SPMIP7: variants seen among roughly 807,000 people sequenced by gnomAD.
SPMIP7 encodes protein SPMIP7.
At chr7:50,113,083 A>C in the SPMIP7 span, among the ~76,000 whole-genome samples, 1 of 152,126 alleles carries the variant, frequency 6.6e-6, no homozygotes, top group Non-Finnish European at 1.5e-5. Context: ...TTTATAGTAC[A>C]TAGGTACATC....
the SPMIP7 span, among the ~76,000 whole-genome samples, chr7:50,127,135 C>A: frequency 1.3e-5 from 2 of 151,884 alleles, no homozygotes; most frequent in African/African-American, 4.8e-5. Context: ...TCAACAAAGG[C>A]TCCAGGAATA....
chr7:50,149,451 T>C, the SPMIP7 span, among the ~76,000 whole-genome samples: 1 of 152,226 alleles, frequency 6.6e-6, no homozygotes, highest in Non-Finnish European at 1.5e-5. Context: ...TGTTGTCCTC[T>C]TCATGCTGCA....
At chr7:50,104,296 C>T in the SPMIP7 span, 2 of 1,406,096 alleles carry the variant, frequency 1.4e-6, no homozygotes, top group Non-Finnish European at 1.9e-6. Context: ...ATCCCATTCG[C>T]TTTTTTTGTG....
the SPMIP7 span, chr7:50,104,389 T>G: frequency 6.5e-7 from 1 of 1,532,506 alleles, no homozygotes; most frequent in Non-Finnish European, 8.8e-7. Context: ...ATATTTACAT[T>G]TGATGAGGAG....
chr7:50,147,792 T>A, the SPMIP7 span, among the ~76,000 whole-genome samples: 2 of 152,192 alleles, frequency 1.3e-5, no homozygotes, highest in Non-Finnish European at 2.9e-5. Flanking sequence ...TTCAAATTTA[T>A]CAATTAGTGA....
the SPMIP7 span, chr7:50,096,773 A>G: frequency 2.7e-5 from 19 of 716,070 alleles, no homozygotes; most frequent in Non-Finnish European, 3.0e-5. Context: ...TAAATTACAG[A>G]TTATAAGAAA....
At chr7:50,099,647 G>C in the SPMIP7 span, among the ~76,000 whole-genome samples, 1 of 152,184 alleles carries the variant, frequency 6.6e-6, no homozygotes, top group African/African-American at 2.4e-5. Context: ...CACTTGCTCT[G>C]TGCTGAGGAG....
chr7:50,148,953 T>C, the SPMIP7 span, among the ~76,000 whole-genome samples: 1 of 152,198 alleles, frequency 6.6e-6, no homozygotes, highest in Non-Finnish European at 1.5e-5. Flanking sequence ...AAGACCAGCC[T>C]GACCAACAGG....
At chr7:50,153,772 C>T in the SPMIP7 span, among the ~76,000 whole-genome samples, 22 of 152,214 alleles carry the variant, frequency 1.4e-4, no homozygotes, top group African/African-American at 2.9e-4. Flanking sequence ...CTTGGTCCCA[C>T]GTAATTGAGG....
chr7:50,126,072 C>T, the SPMIP7 span, among the ~76,000 whole-genome samples: 128 of 152,042 alleles, frequency 8.4e-4, no homozygotes, highest in African/African-American at 3.0e-3. Flanking sequence ...ATACATGTAT[C>T]GAATCATCAT....
chr7:50,113,330 G>A, the SPMIP7 span, among the ~76,000 whole-genome samples: 1 of 113,064 alleles, frequency 8.8e-6, no homozygotes, highest in Non-Finnish European at 1.9e-5. Context: ...TTCATGCAAA[G>A]AAGCAGAAAA....
At chr7:50,110,668 C>T in the SPMIP7 span, among the ~76,000 whole-genome samples, 104,103 of 133,774 alleles carry the variant, frequency 0.78, 40,615 homozygotes, top group East Asian at 0.88. Context: ...GTGTACATCA[C>T]ATATATCATA....
chr7:50,143,332 T>C, the SPMIP7 span, among the ~76,000 whole-genome samples: 1 of 152,118 alleles, frequency 6.6e-6, no homozygotes, highest in East Asian at 1.9e-4. Flanking sequence ...GCCTGGCTAA[T>C]TTTTTGTATT....
the SPMIP7 span, among the ~76,000 whole-genome samples, chr7:50,116,370 A>AGCTCAGGCAGTCT: frequency 6.6e-6 from 1 of 152,224 alleles, no homozygotes; most frequent in Non-Finnish European, 1.5e-5. Context: ...CACTGACTCC[A>AGCTCAGGCAGTCT]GCCTATACAG....
the SPMIP7 span, among the ~76,000 whole-genome samples, chr7:50,143,993 TTA>T: frequency 9.8e-4 from 150 of 152,302 alleles, 5 homozygotes; most frequent in South Asian, 0.03. Context: ...TCCATATTCT[TTA>T]TATGACTCTT....
At chr7:50,113,894 G>A in the SPMIP7 span, among the ~76,000 whole-genome samples, 1 of 151,926 alleles carries the variant, frequency 6.6e-6, no homozygotes, top group African/African-American at 2.4e-5. Context: ...CTGAAAAACA[G>A]TGATAAAGAT....
chr7:50,115,836 A>T, the SPMIP7 span, among the ~76,000 whole-genome samples: 1 of 152,202 alleles, frequency 6.6e-6, no homozygotes, highest in South Asian at 2.1e-4. Flanking sequence ...TTAAATTAAT[A>T]ATGGATGTCT....
chr7:50,113,876 T>G, the SPMIP7 span, among the ~76,000 whole-genome samples: 1 of 151,836 alleles, frequency 6.6e-6, no homozygotes, highest in Non-Finnish European at 1.5e-5. Context: ...AACACATCAA[T>G]GACATTGCTG....
the SPMIP7 span, chr7:50,151,419 C>G: frequency 2.1e-6 from 3 of 1,445,602 alleles, no homozygotes; most frequent in Non-Finnish European, 2.8e-6. Flanking sequence ...TTAATTTCCT[C>G]TTTTCCTCCT....
Sources: allele counts gnomAD v4.1 joint callset (sites outside exome capture counted in the v4.1 genomes callset), GRCh38; gene constraint gnomAD v4.1.1; transcripts MANE v1.5; gene names NCBI Gene and HGNC (gene_info 2026-07-23, HGNC 2026-07-21).